The following ZNF827 variants were observed in gnomAD, a reference collection of about 807,000 sequenced individuals.
The protein encoded by ZNF827 is zinc finger protein 827.
Under a neutral mutation model 102.4 loss-of-function variants are expected in ZNF827, and 13 were observed. The ratio of observed to expected loss-of-function variants is 0.13; its 90% CI spans 0.08 to 0.20. ZNF827 has a LOEUF of 0.20. ZNF827 is among the 10% of genes least tolerant of loss of function. ZNF827 has a pLI of 1.00. For missense variants in ZNF827, 1,103 were observed against 1,344.4 expected (o/e 0.82, Z 2.81); for synonymous variants, 523 against 536.2 (o/e 0.98, Z 0.34).
intron 6 of ZNF827, among the ~76,000 whole-genome samples, chr4:145,848,670 C>A (rs756836514): frequency 2.6e-5 from 4 of 152,112 alleles, no homozygotes; most frequent in Non-Finnish European, 4.4e-5. Context: ...AAATGCTATG[C>A]GGCTTGAAAG....
At chr4:145,866,547 T>G (rs1402952367) in intron 5 of ZNF827, among the ~76,000 whole-genome samples, 1 of 152,236 alleles carries the variant, frequency 6.6e-6, no homozygotes, top group African/African-American at 2.4e-5. Flanking sequence ...AGCACAGAAA[T>G]TTTTAAAACC....
At chr4:145,895,722 T>G (rs1750926523) in intron 2 of ZNF827, among the ~76,000 whole-genome samples, 1 of 152,226 alleles carries the variant, frequency 6.6e-6, no homozygotes, top group African/African-American at 2.4e-5. Context: ...TCCATGTGTT[T>G]ATGATGTTGT....
At chr4:145,846,773 C>T (rs1407650198) in intron 6 of ZNF827, among the ~76,000 whole-genome samples, 4 of 143,350 alleles carry the variant, frequency 2.8e-5, no homozygotes, top group South Asian at 2.3e-4. Flanking sequence ...GCCGAGATCG[C>T]GCCACTACAC....
chr4:145,836,222 G>A (rs1425293815), intron 7 of ZNF827, among the ~76,000 whole-genome samples: 3 of 148,206 alleles, frequency 2.0e-5, no homozygotes, highest in African/African-American at 5.0e-5. Flanking sequence ...CCTGCCAATC[G>A]TGTCCAACTG....
chr4:145,860,486 C>A (rs577566020), intron 5 of ZNF827, among the ~76,000 whole-genome samples: 197 of 152,254 alleles, frequency 1.3e-3, no homozygotes, highest in African/African-American at 4.3e-3. Flanking sequence ...ATAATTTATT[C>A]TTTAAACAGT....
rs749209900 is a variant in ZNF827 at position 145,849,397 on chromosome 4, C to T, written c.2146G>A (p.Val716Ile). The change falls in exon 6 of 15, where the codon GTA becomes ATA. Residue 716 changes from valine (V) to isoleucine (I), a missense_variant. Physicochemically the swap from Val to Ile is conservative, Grantham distance 29. Around this residue, in one of 5 missense-constraint regions of ZNF827, gnomAD observed 243 missense variants for 251.6 expected, o/e 0.97. Coordinates refer to ENST00000508784, the MANE Select transcript of ZNF827 (RefSeq NM_001306215.2). The part of the protein sequence containing the change: ...EPLQKMPEGR[V>I]PPERNLFSQD... ...CTGAAGAGGTTTCTCTCTGGGGGTA[C>T]TCTGCCCTCTGGCATCTTCTGTAAG... 4 of 1,614,048 alleles carry T rather than the reference C, an allele frequency of 2.5e-6. No homozygotes were observed. Among genetic ancestry groups the T allele is most frequent in the Non-Finnish European group, 2.5e-6 (3 of 1,180,036 alleles).
intron 1 of ZNF827, among the ~76,000 whole-genome samples, chr4:145,919,029 G>A (rs1419423289): frequency 1.2e-5 from 1 of 84,042 alleles, no homozygotes; most frequent in Non-Finnish European, 2.3e-5. Context: ...GCTGAGGTGG[G>A]GTATCACTTG....
At chr4:145,848,670 C>T (rs756836514) in intron 6 of ZNF827, among the ~76,000 whole-genome samples, 20 of 152,230 alleles carry the variant, frequency 1.3e-4, no homozygotes, top group Non-Finnish European at 2.8e-4. Flanking sequence ...AAATGCTATG[C>T]GGCTTGAAAG....
chr4:145,887,492 A>G (rs1750215030), intron 3 of ZNF827, among the ~76,000 whole-genome samples: 1 of 152,198 alleles, frequency 6.6e-6, no homozygotes, highest in Admixed American at 6.5e-5. Flanking sequence ...TGGCTTTTTG[A>G]AAAAAACAAC....
At chr4:145,774,159 G>A (rs188403272) in intron 11 of ZNF827, among the ~76,000 whole-genome samples, 73 of 152,228 alleles carry the variant, frequency 4.8e-4, no homozygotes, top group Admixed American at 4.8e-3. Flanking sequence ...GGTTGCTATG[G>A]GGCTTAAATG....
chr4:145,903,123 C>T lies in ZNF827; in HGVS notation c.136G>A (p.Gly46Arg). ...AACTTATAGTTCTCCTGGACTTCCC[C>T]ATAGGATGCTTCTGACGGAGTCTCT... is the stretch of plus-strand genomic sequence containing the variant. ...SSETPSEASY[G>R]EVQENYKLSL... The change falls in exon 2 of 15, where the codon GGG becomes AGG. Residue 46 changes from glycine to arginine, a missense_variant. Physicochemically the swap from Gly to Arg is moderately radical, Grantham distance 125 (BLOSUM62 -2). Coordinates refer to ENST00000508784, the MANE Select transcript of ZNF827 (RefSeq NM_001306215.2). 1 of 1,614,220 alleles carries T rather than the reference C, an allele frequency of 6.2e-7. No homozygotes were observed. The highest frequency in any genetic ancestry group is 8.5e-7 in the Non-Finnish European group (1 of 1,180,048).
intron 7 of ZNF827, among the ~76,000 whole-genome samples, chr4:145,845,647 G>T (rs991327359): frequency 2.6e-5 from 4 of 152,180 alleles, no homozygotes; most frequent in African/African-American, 7.2e-5. Context: ...CAGGCCAGGA[G>T]ACTTCTGCAG....
chr4:145,847,703 T>C (rs188222936), intron 6 of ZNF827, among the ~76,000 whole-genome samples: 2 of 152,352 alleles, frequency 1.3e-5, no homozygotes, highest in East Asian at 3.9e-4. Context: ...CAGCTGTCAA[T>C]GGCTTCTTTT....
chr4:145,775,528 C>T (rs1036264214), intron 10 of ZNF827, among the ~76,000 whole-genome samples: 5 of 151,972 alleles, frequency 3.3e-5, no homozygotes, highest in African/African-American at 1.2e-4. Flanking sequence ...ATCCCCAGAG[C>T]CCGTCTCTGT....
At chr4:145,825,682 A>G (rs1743607212) in intron 7 of ZNF827, among the ~76,000 whole-genome samples, 1 of 152,204 alleles carries the variant, frequency 6.6e-6, no homozygotes, top group South Asian at 2.1e-4. Flanking sequence ...GGTCTTGCTA[A>G]GTAGTGGCAA....
intron 1 of ZNF827, among the ~76,000 whole-genome samples, chr4:145,908,452 C>T (rs905437172): frequency 1.3e-5 from 2 of 152,216 alleles, no homozygotes; most frequent in Non-Finnish European, 2.9e-5. Context: ...ACCAACCAAC[C>T]TTCTGGTTTA....
At chr4:145,883,881 C>A (rs1298242252) in intron 4 of ZNF827, among the ~76,000 whole-genome samples, 2 of 152,084 alleles carry the variant, frequency 1.3e-5, no homozygotes, top group Non-Finnish European at 2.9e-5. Flanking sequence ...GGAAGACAAT[C>A]AAGGAAAAAC....
chr4:145,864,420 CAAAAAAAAAAA>C (rs34745619), intron 5 of ZNF827, among the ~76,000 whole-genome samples: 17 of 60,806 alleles, frequency 2.8e-4, no homozygotes, highest in African/African-American at 1.0e-3. Context: ...CTTGTCTCTA[CAAAAAAAAAAA>C]AAAAAAAAAA....
intron 7 of ZNF827, chr4:145,834,855 T>A (rs903512969): frequency 6.6e-6 from 1 of 152,162 alleles, no homozygotes; most frequent in Non-Finnish European, 1.5e-5. Flanking sequence ...AGGATTTAAT[T>A]AACCTCGCCT....
Sources: gnomAD v4.1 joint callset for allele counts (sites outside exome capture counted in the v4.1 genomes callset) on GRCh38, gnomAD v4.1.1 for gene constraint, gnomAD v4.1.1 regional missense constraint, MANE v1.5 for transcripts, NCBI Gene and HGNC (gene_info 2026-07-23, HGNC 2026-07-21) for gene names.